DPYSL2: variants seen among roughly 807,000 people sequenced by gnomAD.
DPYSL2 encodes the protein dihydropyrimidinase like 2, also known as dihydropyrimidinase-related protein 2.
DPYSL2 carries 13 observed loss-of-function variants against 69.9 expected under a neutral mutation model. The ratio of observed to expected loss-of-function variants is 0.19; its 90% confidence interval spans 0.12 to 0.30. DPYSL2 has a LOEUF of 0.30. DPYSL2 is among the 10% of genes least tolerant of loss of function. The probability of loss-of-function intolerance (pLI) is 1.00; values close to 1 mark genes in which losing one functional copy is unlikely to be tolerated. For synonymous variants in DPYSL2, 326 were observed against 359.1 expected, an observed-to-expected ratio of 0.91 and a Z score of 1.04; for missense variants, 587 against 918.9, an observed-to-expected ratio of 0.64 and a Z score of 4.67.
rs1332443600 is a variant in DPYSL2, at chr8:26,571,899, C to A, written c.355-10070C>A. Among the ~76,000 whole-genome samples, 10 of 152,216 alleles carry A rather than the reference C, an allele frequency of 6.6e-5. No homozygotes were observed. The highest frequency in any genetic ancestry group is 2.4e-4 in the African/African-American group (10 of 41,456). On this transcript the variant is annotated intron_variant, in intron 1 of 13. Coordinates refer to ENST00000521913, the MANE Select transcript of DPYSL2 (RefSeq NM_001197293.3). This position sits in a 1 kb window ranked among gnomAD's most constrained non-coding sequence, Gnocchi z 6.1. Reference sequence around the variant, plus strand: ...GAGCTACACACACAAAGAAAACGATCGTCATTGCCTGATTCCATCTGCAGT... The same window carrying A: ...GAGCTACACACACAAAGAAAACGATAGTCATTGCCTGATTCCATCTGCAGT...
rs370721232 is a variant in DPYSL2, at chr8:26,632,392, A to G, written c.1006-2388A>G. Among the ~76,000 whole-genome samples, 3 of 152,202 alleles carry G rather than the reference A, an allele frequency of 2.0e-5. No homozygotes were observed. In the East Asian group the frequency reaches 5.8e-4, roughly 29 times the overall value. Reference sequence around the variant, plus strand: ...ACAGTGGCTCTGAGCTGTAAGACTGATGTCTGGGAAGAGAGTGGGGACTTG... The same window carrying G: ...ACAGTGGCTCTGAGCTGTAAGACTGGTGTCTGGGAAGAGAGTGGGGACTTG... On this transcript the variant is annotated intron_variant, in intron 7 of 13. Coordinates refer to ENST00000521913, the MANE Select transcript of DPYSL2 (RefSeq NM_001197293.3).
chr8:26,637,079 C>T (rs1296256420), intron 8 of DPYSL2, among the ~76,000 whole-genome samples: 2 of 152,186 alleles, frequency 1.3e-5, no homozygotes, highest in Non-Finnish European at 2.9e-5. Context: ...CACTGTGTGT[C>T]TTATGGGGTG....
intron 1 of DPYSL2, among the ~76,000 whole-genome samples, chr8:26,536,666 A>G (rs1264067306): frequency 6.9e-6 from 1 of 145,358 alleles, no homozygotes; most frequent in Admixed American, 6.8e-5. Flanking sequence ...GAGAGACTCC[A>G]TCTCAAAAAC....
intron 1 of DPYSL2, among the ~76,000 whole-genome samples, chr8:26,557,109 T>A (rs1801001001): frequency 6.6e-6 from 1 of 151,352 alleles, no homozygotes; most frequent in African/African-American, 2.4e-5. Flanking sequence ...AAAATGGAAA[T>A]CTATAAAACT....
At chr8:26,578,421 G>C in intron 1 of DPYSL2, 2 of 1,548,550 alleles carry the variant, frequency 1.3e-6, no homozygotes, top group Admixed American at 2.1e-5. Context: ...TGTTGCTAAC[G>C]GAGGCGATGG....
chr8:26,555,647 G>A (rs918251189), intron 1 of DPYSL2, among the ~76,000 whole-genome samples: 7 of 151,834 alleles, frequency 4.6e-5, no homozygotes, highest in African/African-American at 1.5e-4. Context: ...TAATCCTAGA[G>A]GCCGAGGCAG....
chr8:26,581,692 A>G (rs1801497181), intron 1 of DPYSL2, among the ~76,000 whole-genome samples: 1 of 151,788 alleles, frequency 6.6e-6, no homozygotes, highest in Admixed American at 6.6e-5. Flanking sequence ...TTTATATGAA[A>G]TAATTTTCAC....
chr8:26,555,425 G>C (rs1762186757), intron 1 of DPYSL2, among the ~76,000 whole-genome samples: 1 of 152,094 alleles, frequency 6.6e-6, no homozygotes, highest in Non-Finnish European at 1.5e-5. Context: ...TGAGGTTATT[G>C]TACAAAAGCC....
rs1373854411 is a variant in DPYSL2, at chr8:26,588,066, G to T, written c.628+4083G>T. Among the ~76,000 whole-genome samples the T allele has an allele frequency of 6.6e-6, 1 of 152,198 alleles. No individual in the cohort carries two copies. Among genetic ancestry groups the T allele is most frequent in the Non-Finnish European group, 1.5e-5 (1 of 68,032 alleles). ...GCAAAATGGGGCAAGTTTTGACAAA[G>T]GTGGACTGTGGTGGCATCACAACAG... On this transcript the variant is annotated intron_variant, in intron 3 of 13. Transcript: ENST00000521913. The surrounding 1 kb of genome is among the most constrained non-coding windows in gnomAD (Gnocchi z 5.4).
intron 2 of DPYSL2, among the ~76,000 whole-genome samples, chr8:26,583,496 A>G (rs1270139988): frequency 6.6e-6 from 1 of 152,246 alleles, no homozygotes; most frequent in East Asian, 1.9e-4. Flanking sequence ...AGAAAGTTTA[A>G]TGACAGTTCT....
Position 26,564,738 on chromosome 8 carries a change from T to C in DPYSL2, c.355-17231T>C, listed in dbSNP as rs749383664. ...TTCAGGGGAAGCTCTTCTGGAGTGA[T>C]CTGTCCCAGTTTCTTTTTAAAAGAA... On this transcript the variant is annotated intron_variant, in intron 1 of 13. Transcript: ENST00000521913. This position sits in a 1 kb window ranked among gnomAD's most constrained non-coding sequence, Gnocchi z 4.8. Among the ~76,000 whole-genome samples the C allele has an allele frequency of 1.3e-5, 2 of 152,194 alleles. No homozygotes were observed. The highest frequency in any genetic ancestry group is 4.8e-5 in the African/African-American group (2 of 41,440).
At chr8:26,634,990 C>T in intron 8 of DPYSL2, 90 bp downstream of exon 8, 2 of 1,551,460 alleles carry the variant, frequency 1.3e-6, no homozygotes, top group East Asian at 4.6e-5. Context: ...TTTTCCAGAC[C>T]CTCATGCCAA....
chr8:26,651,593 T>A (rs1480932214), intron 11 of DPYSL2, among the ~76,000 whole-genome samples: 1 of 152,176 alleles, frequency 6.6e-6, no homozygotes, highest in Non-Finnish European at 1.5e-5. Flanking sequence ...TGTTGCTTCA[T>A]TACCAACCAC....
intron 1 of DPYSL2, among the ~76,000 whole-genome samples, chr8:26,570,466 C>T (rs1268877349): frequency 2.6e-5 from 4 of 152,078 alleles, no homozygotes; most frequent in Non-Finnish European, 5.9e-5. Flanking sequence ...CTTGGCCAGG[C>T]GCGGGGGCTC....
intron 1 of DPYSL2, among the ~76,000 whole-genome samples, chr8:26,519,496 C>G (rs1382994812): frequency 6.6e-6 from 1 of 152,124 alleles, no homozygotes; most frequent in Non-Finnish European, 1.5e-5. Context: ...CTTTTAAATT[C>G]TAGATTCTAC....
intron 1 of DPYSL2, among the ~76,000 whole-genome samples, chr8:26,559,512 T>C (rs751588246): frequency 3.3e-5 from 5 of 152,234 alleles, no homozygotes; most frequent in African/African-American, 4.8e-5. Context: ...AAATATAAGA[T>C]CTCAATTTTT....
At chr8:26,573,130 A>T (rs958635210) in intron 1 of DPYSL2, among the ~76,000 whole-genome samples, 2 of 152,250 alleles carry the variant, frequency 1.3e-5, no homozygotes, top group African/African-American at 4.8e-5. Flanking sequence ...AGGCAGCTAC[A>T]GCCCCGCAGA....
rs951878376 is a variant in DPYSL2 at position 26,597,620 on chromosome 8, G to A, written c.628+13637G>A. ...CTCCCAAGTAGCTGGGACTACAGGC[G>A]CCCGCCACCACGCCCAACTAATATT... On this transcript the variant is annotated intron_variant, in intron 3 of 13. Transcript: ENST00000521913. This position sits in a 1 kb window ranked among gnomAD's most constrained non-coding sequence, Gnocchi z 5.2. 2.0e-5 allele frequency among the ~76,000 whole-genome samples: 3 copies of A among 151,884 alleles called. No individual in the cohort carries two copies. Among genetic ancestry groups the A allele is most frequent in the East Asian group, 1.9e-4 (1 of 5,174 alleles).
chr8:26,558,727 T>C (rs1463956693), intron 1 of DPYSL2, among the ~76,000 whole-genome samples: 3 of 152,194 alleles, frequency 2.0e-5, no homozygotes, highest in African/African-American at 7.2e-5. Context: ...ATGGGAATCT[T>C]GTTACTTTCT....
Sources: gnomAD v4.1 joint callset for allele counts (sites outside exome capture counted in the v4.1 genomes callset) on GRCh38, gnomAD v4.1.1 for gene constraint, Gnocchi (gnomAD v3.1) non-coding constraint, MANE v1.5 for transcripts, NCBI Gene and HGNC (gene_info 2026-07-23, HGNC 2026-07-21) for gene names.